The following RELN variants were observed in gnomAD, a reference collection of about 807,000 sequenced individuals.
The protein encoded by RELN is reelin.
RELN carries 108 observed loss-of-function variants against 427.6 expected under a neutral mutation model. That is an observed-to-expected ratio of 0.25 (90% CI 0.22 to 0.30). RELN has a LOEUF of 0.30. Ranked by LOEUF, RELN falls within the 10% of genes least tolerant of loss-of-function variation. The pLI is 1.00. For synonymous variants in RELN, 1,524 were observed against 1,513.4 expected, an observed-to-expected ratio of 1.01 and a Z score of -0.16; for missense variants, 3,715 against 4,302.8, an observed-to-expected ratio of 0.86 and a Z score of 3.82.
chr7:103,980,558 A>C (rs1266389217), intron 1 of RELN, among the ~76,000 whole-genome samples: 1 of 152,042 alleles, frequency 6.6e-6, no homozygotes, highest in East Asian at 1.9e-4. Flanking sequence ...GTACTATCTA[A>C]AAGGATGGAT....
intron 34 of RELN, among the ~76,000 whole-genome samples, chr7:103,564,102 CAG>C (rs1830695275): frequency 6.6e-6 from 1 of 152,142 alleles, no homozygotes; most frequent in Admixed American, 6.5e-5. Context: ...GCTTAAAACA[CAG>C]TAGATATTCA....
At chr7:103,924,098 A>G (rs1795673601) in intron 1 of RELN, among the ~76,000 whole-genome samples, 1 of 152,116 alleles carries the variant, frequency 6.6e-6, no homozygotes, top group Non-Finnish European at 1.5e-5. Flanking sequence ...TAAGTAGAGC[A>G]GCCTCTATCT....
At chr7:103,556,852 G>T in intron 38 of RELN, 125 bp downstream of exon 38, 1 of 831,830 alleles carries the variant, frequency 1.2e-6, no homozygotes. Context: ...AGTGAAGCAT[G>T]TAAAATGTGT....
intron 15 of RELN, among the ~76,000 whole-genome samples, chr7:103,650,918 A>C (rs2240964): frequency 0.094 from 14,289 of 152,126 alleles, 954 homozygotes; most frequent in African/African-American, 0.19. Flanking sequence ...AGTCATCATA[A>C]CTAGCCAATT....
chr7:103,528,619 C>T (rs1829874244), intron 46 of RELN, among the ~76,000 whole-genome samples: 1 of 152,146 alleles, frequency 6.6e-6, no homozygotes, highest in Non-Finnish European at 1.5e-5. Context: ...ATCTCTGCCT[C>T]CCAGGTTCAA....
rs140263617 is a variant in RELN at position 103,574,123 on chromosome 7, G to T, written c.4480C>A (p.Arg1494=). The T allele has an allele frequency of 6.2e-7, 1 of 1,613,966 alleles. No homozygotes were observed. The highest frequency in any genetic ancestry group is 8.5e-7 in the Non-Finnish European group (1 of 1,180,006). The change falls in exon 30 of 65, where the codon CGG becomes AGG. Residue 1494 remains arginine (R), a synonymous_variant. Transcript: ENST00000428762. ...TTCCTGGTGTCCAGAGGGACCGTCC[G>T]GGCTTCCCTTTTCCCAGGGCCATTG... is the stretch of plus-strand genomic sequence containing the variant. ...YFNGPGKREA[R]TVPLDTRNIR... is the part of the protein sequence containing the mutation.
At chr7:103,915,722 T>C (rs970418566) in intron 2 of RELN, among the ~76,000 whole-genome samples, 7 of 152,168 alleles carry the variant, frequency 4.6e-5, no homozygotes, top group African/African-American at 1.7e-4. Context: ...ATTCCAAATA[T>C]TGCATACTTA....
chr7:103,866,521 G>T (rs1267560166), intron 2 of RELN, among the ~76,000 whole-genome samples: 1 of 152,036 alleles, frequency 6.6e-6, no homozygotes, highest in Non-Finnish European at 1.5e-5. Flanking sequence ...CTCCTGACAT[G>T]ATTTGGACCC....
chr7:103,678,711 A>G (rs149866751), intron 11 of RELN, among the ~76,000 whole-genome samples: 36 of 152,308 alleles, frequency 2.4e-4, no homozygotes, highest in Non-Finnish European at 4.4e-4. Context: ...TGATTCTTAC[A>G]TAACAAAAAC....
At chr7:103,774,879 TTAA>T (rs1309206769) in intron 4 of RELN, among the ~76,000 whole-genome samples, 1 of 152,170 alleles carries the variant, frequency 6.6e-6, no homozygotes, top group Non-Finnish European at 1.5e-5. Flanking sequence ...TACAGCATTT[TTAA>T]TAATATCCAC....
At chr7:103,697,831 A>C (rs200810707) in intron 10 of RELN, 22 bp downstream of exon 10, 48 of 1,613,256 alleles carry the variant, frequency 3.0e-5, no homozygotes, top group Admixed American at 5.0e-5. Context: ...AAAACAACCC[A>C]AAAACTAAAA....
At chr7:103,964,903 G>C (rs770507196) in intron 1 of RELN, among the ~76,000 whole-genome samples, 11 of 152,094 alleles carry the variant, frequency 7.2e-5, no homozygotes, top group Non-Finnish European at 1.6e-4. Flanking sequence ...CCCCCAGTTA[G>C]GTGAGAATAA....
chr7:103,912,377 G>A (rs1326366614), intron 2 of RELN, among the ~76,000 whole-genome samples: 3 of 151,916 alleles, frequency 2.0e-5, no homozygotes, highest in Admixed American at 2.0e-4. Flanking sequence ...GTAGAGATGG[G>A]GTTTGACTAT....
chr7:103,811,265 G>A (rs1033595136), intron 3 of RELN, among the ~76,000 whole-genome samples: 6 of 152,156 alleles, frequency 3.9e-5, no homozygotes, highest in Non-Finnish European at 7.4e-5. Flanking sequence ...TAAATTGCCT[G>A]TATCTGAAAA....
At chr7:103,576,031 G>C (rs1164591396) in intron 28 of RELN, among the ~76,000 whole-genome samples, 1 of 152,068 alleles carries the variant, frequency 6.6e-6, no homozygotes, top group Non-Finnish European at 1.5e-5. Context: ...AGGAGATTGA[G>C]ACCATCCTGG....
chr7:103,708,859 C>G (rs574988726), intron 8 of RELN, among the ~76,000 whole-genome samples: 8 of 152,236 alleles, frequency 5.3e-5, no homozygotes, highest in African/African-American at 1.9e-4. Flanking sequence ...TAATAAAATG[C>G]TAACCCCGTC....
intron 2 of RELN, among the ~76,000 whole-genome samples, chr7:103,863,686 C>G (rs1424773018): frequency 1.3e-5 from 2 of 152,090 alleles, no homozygotes; most frequent in Admixed American, 1.3e-4. Flanking sequence ...AGGACATTTC[C>G]TAACCTAAAT....
intron 9 of RELN, among the ~76,000 whole-genome samples, chr7:103,698,797 G>A (rs921721293): frequency 9.9e-5 from 15 of 152,166 alleles, no homozygotes; most frequent in African/African-American, 3.6e-4. Context: ...CTGCTAGAGT[G>A]AGCCACCGTG....
intron 12 of RELN, among the ~76,000 whole-genome samples, chr7:103,657,888 A>G (rs1833055174): frequency 6.6e-6 from 1 of 152,170 alleles, no homozygotes; most frequent in African/African-American, 2.4e-5. Flanking sequence ...CAAACGGGGC[A>G]GTCAGTTTTA....
Sources: gnomAD v4.1 joint callset for allele counts (sites outside exome capture counted in the v4.1 genomes callset) on GRCh38, gnomAD v4.1.1 for gene constraint, MANE v1.5 for transcripts, NCBI Gene and HGNC (gene_info 2026-07-23, HGNC 2026-07-21) for gene names.